Variants in OR6N1 observed in about 807,000 individuals in gnomAD.
The protein encoded by OR6N1 is olfactory receptor 6N1.
For synonymous variants in OR6N1, 170 were observed against 150.7 expected, an observed-to-expected ratio of 1.13 and a Z score of -0.94; for missense variants, 394 against 371.7, an observed-to-expected ratio of 1.06 and a Z score of -0.49.
chr1:158,822,495 T>C, the OR6N1 span, among the ~76,000 whole-genome samples: 1 of 152,204 alleles, frequency 6.6e-6, no homozygotes, highest in Non-Finnish European at 1.5e-5. Flanking sequence ...TTGATTTGGC[T>C]CTCACCTTGG....
chr1:158,788,593 T>C, the OR6N1 span, among the ~76,000 whole-genome samples: 6 of 152,292 alleles, frequency 3.9e-5, no homozygotes, highest in East Asian at 1.2e-3. Context: ...CTTTGATACA[T>C]TCATGTAATG....
At chr1:158,772,271 G>T (rs181903006), upstream of OR6N1, 1 of 152,230 alleles carries the variant, frequency 6.6e-6, no homozygotes, top group African/African-American at 2.4e-5. Context: ...CCTCATAGAG[G>T]CAGAAGCCCA....
the OR6N1 span, among the ~76,000 whole-genome samples, chr1:158,812,067 T>A: frequency 6.6e-6 from 1 of 152,200 alleles, no homozygotes; most frequent in African/African-American, 2.4e-5. Context: ...ACAAAATTAG[T>A]TTATCTTTCA....
chr1:158,829,493 C>A, the OR6N1 span, among the ~76,000 whole-genome samples: 4 of 152,192 alleles, frequency 2.6e-5, no homozygotes, highest in Non-Finnish European at 5.9e-5. Flanking sequence ...CAGTTCCCAA[C>A]AAGTCCCTCA....
At chr1:158,815,904 A>C in the OR6N1 span, among the ~76,000 whole-genome samples, 121,367 of 151,920 alleles carry the variant, frequency 0.8, 48,563 homozygotes, top group African/African-American at 0.85. Context: ...GCCTGTAATC[A>C]CAGCACTTTG....
chr1:158,811,377 G>A, the OR6N1 span, among the ~76,000 whole-genome samples: 2 of 151,462 alleles, frequency 1.3e-5, no homozygotes, highest in East Asian at 1.9e-4. Context: ...TTGCCGAGCA[G>A]TGTTCTAAAC....
the OR6N1 span, among the ~76,000 whole-genome samples, chr1:158,836,430 T>C: frequency 6.6e-6 from 1 of 152,010 alleles, no homozygotes; most frequent in African/African-American, 2.4e-5. Flanking sequence ...TCGGATTTTC[T>C]ATTTCTTTAT....
chr1:158,771,903 T>C (rs1657433495), intron 1 of OR6N1, 118 bp downstream of exon 1: 1 of 152,366 alleles, frequency 6.6e-6, no homozygotes, highest in Middle Eastern at 3.4e-3. Flanking sequence ...TTCAATTATG[T>C]GTTTTATGGA....
the OR6N1 span, among the ~76,000 whole-genome samples, chr1:158,826,416 C>G: frequency 6.6e-6 from 1 of 152,004 alleles, no homozygotes; most frequent in South Asian, 2.1e-4. Flanking sequence ...TTTAATTATT[C>G]AATTTAGGTG....
the OR6N1 span, among the ~76,000 whole-genome samples, chr1:158,790,925 T>A: frequency 6.6e-6 from 1 of 152,316 alleles, no homozygotes; most frequent in East Asian, 1.9e-4. Context: ...GCTTTTACCA[T>A]GTTGAGGTAT....
At chr1:158,803,512 G>A in the OR6N1 span, among the ~76,000 whole-genome samples, 2 of 152,268 alleles carry the variant, frequency 1.3e-5, no homozygotes, top group African/African-American at 4.8e-5. Context: ...TAATTGTGCT[G>A]TACTCAAAGT....
At chr1:158,787,531 C>A in the OR6N1 span, among the ~76,000 whole-genome samples, 2 of 151,600 alleles carry the variant, frequency 1.3e-5, no homozygotes, top group African/African-American at 2.4e-5. Context: ...TTGTTTGGTC[C>A]ATGGGCCTTA....
chr1:158,772,502 G>C (rs1050805892), upstream of OR6N1, among the ~76,000 whole-genome samples: 2 of 152,180 alleles, frequency 1.3e-5, no homozygotes, highest in African/African-American at 4.8e-5. Flanking sequence ...TTCCTGTACT[G>C]CATGACTTGG....
At chr1:158,814,409 G>C in the OR6N1 span, among the ~76,000 whole-genome samples, 1 of 152,244 alleles carries the variant, frequency 6.6e-6, no homozygotes, top group Admixed American at 6.5e-5. Flanking sequence ...CCAAAGAGTT[G>C]GGCCTTAGAC....
At chr1:158,781,561 C>G in the OR6N1 span, among the ~76,000 whole-genome samples, 1 of 152,216 alleles carries the variant, frequency 6.6e-6, no homozygotes, top group African/African-American at 2.4e-5. Flanking sequence ...TCCCACCACT[C>G]TTCTCATAAA....
the OR6N1 span, among the ~76,000 whole-genome samples, chr1:158,830,382 C>T: frequency 1.3e-5 from 2 of 152,292 alleles, no homozygotes; most frequent in South Asian, 2.1e-4. Flanking sequence ...TCTCTCTATG[C>T]TGCTGGTTTG....
At chr1:158,820,996 C>T in the OR6N1 span, among the ~76,000 whole-genome samples, 2 of 152,194 alleles carry the variant, frequency 1.3e-5, no homozygotes, top group African/African-American at 4.8e-5. Flanking sequence ...TTCCTGTCTA[C>T]TTTTAGCAGT....
chr1:158,809,823 G>A, the OR6N1 span, among the ~76,000 whole-genome samples: 1 of 152,144 alleles, frequency 6.6e-6, no homozygotes, highest in African/African-American at 2.4e-5. Context: ...TAAAAGAAAT[G>A]CAGAATCTCC....
the OR6N1 span, among the ~76,000 whole-genome samples, chr1:158,778,029 A>G: frequency 6.6e-6 from 1 of 152,364 alleles, no homozygotes; most frequent in African/African-American, 2.4e-5. Flanking sequence ...GCTCTATACT[A>G]TATGACTGTT....
Sources: gnomAD v4.1 joint callset for allele counts (sites outside exome capture counted in the v4.1 genomes callset) on GRCh38, gnomAD v4.1.1 for gene constraint, MANE v1.5 for transcripts, NCBI Gene and HGNC (gene_info 2026-07-23, HGNC 2026-07-21) for gene names.